HTR7: variants seen among roughly 807,000 people sequenced by gnomAD.
The protein encoded by HTR7 is 5-hydroxytryptamine receptor 7, also known as 5-HT-7.
In HTR7, 16 loss-of-function variants were observed where a neutral mutation model predicts 34.0. That is an observed-to-expected ratio of 0.47 (90% confidence interval 0.32 to 0.71). The LOEUF is 0.71. Ranked by LOEUF, HTR7 falls within the 30% of genes least tolerant of loss-of-function variation. HTR7 has a pLI of 0.04. For synonymous variants in HTR7, 265 were observed against 260.2 expected (o/e 1.02, Z -0.18); for missense variants, 504 against 625.5 (o/e 0.81, Z 2.07).
chr10:90,749,364 A>G lies in HTR7; in HGVS notation c.770T>C (p.Phe257Ser). 1.9e-6 allele frequency: 3 copies of G among 1,614,220 alleles called. No homozygotes were observed. Among genetic ancestry groups the G allele is most frequent in the Non-Finnish European group, 2.5e-6 (3 of 1,180,034 alleles). The change falls in exon 2 of 4, where the codon TTC becomes TCC. Residue 257 changes from phenylalanine (F) to serine (S), a missense_variant. Transcript: ENST00000336152. The surrounding 1 kb of genome is among the most constrained non-coding windows in gnomAD (Gnocchi z 4.2). Reference sequence around the variant, plus strand: ...AGCCTTGTAAATCTGGTAGTACATGAAAAGCATGACGGACATGGGGATATA... The same window carrying G: ...AGCCTTGTAAATCTGGTAGTACATGGAAAGCATGACGGACATGGGGATATA... ...AFYIPMSVML[F>S]MYYQIYKAAR...
intron 1 of HTR7, among the ~76,000 whole-genome samples, chr10:90,799,784 T>C (rs770759713): frequency 1.5e-4 from 23 of 152,180 alleles, no homozygotes; most frequent in Non-Finnish European, 2.6e-4. Flanking sequence ...TCAGTGGTGA[T>C]AGTTAAACAT....
chr10:90,744,942 C>T (rs1844611405), intron 2 of HTR7, among the ~76,000 whole-genome samples: 1 of 152,206 alleles, frequency 6.6e-6, no homozygotes, highest in South Asian at 2.1e-4. Flanking sequence ...GTCCTCTTCA[C>T]CTAGAATACC....
At chr10:90,834,908 A>G (rs1370921506) in intron 1 of HTR7, among the ~76,000 whole-genome samples, 7 of 152,182 alleles carry the variant, frequency 4.6e-5, no homozygotes, top group Non-Finnish European at 1.0e-4. Context: ...AATTGGGGGC[A>G]GTTTTTACAG....
rs540875657 is a variant in HTR7, at chr10:90,778,845, C to T, written c.540-29251G>A. On this transcript the variant is annotated intron_variant, in intron 1 of 3. Transcript: ENST00000336152. Reference sequence around the variant, plus strand: ...TGATCTGCTTCTACCTCTACTCTTCCCAACTCAAGTCTGAACTTGAATTTT... The same window carrying T: ...TGATCTGCTTCTACCTCTACTCTTCTCAACTCAAGTCTGAACTTGAATTTT... Among the ~76,000 whole-genome samples, 6 of 152,308 alleles carry T rather than the reference C, an allele frequency of 3.9e-5. No individual in the cohort carries two copies. In the East Asian group the frequency reaches 7.7e-4, roughly 20 times the overall value.
chr10:90,785,089 G>A (rs1057427967), intron 1 of HTR7, among the ~76,000 whole-genome samples: 4 of 152,172 alleles, frequency 2.6e-5, no homozygotes, highest in Non-Finnish European at 4.4e-5. Context: ...TCCGCTGCAG[G>A]AGGCTATAAG....
intron 1 of HTR7, among the ~76,000 whole-genome samples, chr10:90,828,331 A>T (rs1214360272): frequency 6.6e-6 from 1 of 152,166 alleles, no homozygotes; most frequent in Admixed American, 6.5e-5. Context: ...AACAGAACCT[A>T]AAATCAGTAG....
chr10:90,817,274 C>T (rs1845911351), intron 1 of HTR7, among the ~76,000 whole-genome samples: 1 of 152,224 alleles, frequency 6.6e-6, no homozygotes, highest in Admixed American at 6.5e-5. Flanking sequence ...GGACACACTT[C>T]CTGATACTCC....
chr10:90,745,551 G>A (rs936979400), intron 2 of HTR7, among the ~76,000 whole-genome samples: 3 of 152,180 alleles, frequency 2.0e-5, no homozygotes, highest in African/African-American at 7.2e-5. Flanking sequence ...ATGTGCATAA[G>A]GACATGAAAG....
At chr10:90,763,245 T>C (rs1428248312) in intron 1 of HTR7, among the ~76,000 whole-genome samples, 1 of 152,186 alleles carries the variant, frequency 6.6e-6, no homozygotes, top group African/African-American at 2.4e-5. Context: ...TTTAACAATA[T>C]GAATTCTTCT....
At chr10:90,768,486 T>C (rs1845057097) in intron 1 of HTR7, among the ~76,000 whole-genome samples, 1 of 152,204 alleles carries the variant, frequency 6.6e-6, no homozygotes, top group Non-Finnish European at 1.5e-5. Flanking sequence ...AAATCTTGTG[T>C]GCCCTTCATC....
chr10:90,794,882 G>C (rs1050350474), intron 1 of HTR7, among the ~76,000 whole-genome samples: 1 of 152,188 alleles, frequency 6.6e-6, no homozygotes, highest in African/African-American at 2.4e-5. Flanking sequence ...ACAAACACGT[G>C]AGTAAGGCAT....
intron 1 of HTR7, among the ~76,000 whole-genome samples, chr10:90,767,664 T>A (rs775671015): frequency 2.0e-5 from 3 of 152,170 alleles, no homozygotes; most frequent in Admixed American, 6.5e-5. Flanking sequence ...CCTTAAGAGA[T>A]GTGCAGCTTC....
intron 1 of HTR7, among the ~76,000 whole-genome samples, chr10:90,824,132 G>A (rs1194330882): frequency 6.6e-6 from 1 of 152,226 alleles, no homozygotes; most frequent in Admixed American, 6.5e-5. Flanking sequence ...TCCACTTAAG[G>A]AGAGGAGAGC....
intron 1 of HTR7, among the ~76,000 whole-genome samples, chr10:90,834,968 C>T (rs1165504590): frequency 1.3e-5 from 2 of 152,060 alleles, no homozygotes; most frequent in African/African-American, 4.8e-5. Flanking sequence ...GGAATGTTAT[C>T]GTCTCCTAGG....
At chr10:90,755,338 A>T (rs947184168) in intron 1 of HTR7, among the ~76,000 whole-genome samples, 1 of 152,190 alleles carries the variant, frequency 6.6e-6, no homozygotes, top group Non-Finnish European at 1.5e-5. Context: ...TGCATAATAC[A>T]CAACAAGGTT....
chr10:90,785,422 G>A (rs1047523895), intron 1 of HTR7, among the ~76,000 whole-genome samples: 23 of 152,102 alleles, frequency 1.5e-4, no homozygotes, highest in African/African-American at 5.3e-4. Flanking sequence ...TGTCTTCTCG[G>A]TGAAAGCGAA....
chr10:90,828,212 C>T (rs545091412), intron 1 of HTR7, among the ~76,000 whole-genome samples: 2 of 152,128 alleles, frequency 1.3e-5, no homozygotes, highest in East Asian at 3.9e-4. Flanking sequence ...ATAGTGAAAG[C>T]AGTAATAAGA....
At chr10:90,797,847 T>C (rs944939412) in intron 1 of HTR7, among the ~76,000 whole-genome samples, 3 of 152,224 alleles carry the variant, frequency 2.0e-5, no homozygotes, top group Non-Finnish European at 4.4e-5. Flanking sequence ...TTCTTAACAA[T>C]TCTGGAGGCT....
chr10:90,761,508 A>G (rs947011828), intron 1 of HTR7, among the ~76,000 whole-genome samples: 6 of 152,074 alleles, frequency 3.9e-5, no homozygotes, highest in Non-Finnish European at 7.4e-5. Context: ...AGGCATGTAG[A>G]TGTCTTTAAG....
Sources: allele counts gnomAD v4.1 joint callset (sites outside exome capture counted in the v4.1 genomes callset), GRCh38; gene constraint gnomAD v4.1.1; non-coding constraint Gnocchi (gnomAD v3.1); transcripts MANE v1.5; gene names NCBI Gene and HGNC (gene_info 2026-07-23, HGNC 2026-07-21).